SUPT3H: variants seen among roughly 807,000 people sequenced by gnomAD.
The protein encoded by SUPT3H is SPT3 homolog, SAGA and STAGA complex component.
A neutral mutation model predicts 44.3 loss-of-function variants in SUPT3H; 44 were observed. The observed-to-expected ratio is 0.99, with a 90% CI of 0.78 to 1.28. The LOEUF (loss-of-function observed/expected upper bound fraction) is 1.28. SUPT3H is among the 50% of genes most tolerant of loss of function. The pLI is 0.00. For missense variants in SUPT3H, 380 were observed against 387.1 expected, an observed-to-expected ratio of 0.98 and a Z score of 0.15; for synonymous variants, 124 against 125.6, an observed-to-expected ratio of 0.99 and a Z score of 0.09.
At chr6:44,811,963 T>C (rs1320435301) in intron 11 of SUPT3H, among the ~76,000 whole-genome samples, 2 of 151,840 alleles carry the variant, frequency 1.3e-5, no homozygotes, top group African/African-American at 4.8e-5. Context: ...CCTCATCCCA[T>C]AGTACACAGT....
intron 2 of SUPT3H, among the ~76,000 whole-genome samples, chr6:45,163,066 G>A (rs182410562): frequency 1.3e-5 from 2 of 152,254 alleles, no homozygotes; most frequent in Admixed American, 1.3e-4. Flanking sequence ...CATATATATT[G>A]CAAGAGAAGT....
chr6:44,841,965 A>G (rs113746594), intron 10 of SUPT3H, among the ~76,000 whole-genome samples: 1 of 152,194 alleles, frequency 6.6e-6, no homozygotes, highest in African/African-American at 2.4e-5. Context: ...TATACACACA[A>G]TGACAGTGGT....
chr6:45,084,336 T>C (rs1445547854), intron 3 of SUPT3H, among the ~76,000 whole-genome samples: 1 of 152,068 alleles, frequency 6.6e-6, no homozygotes, highest in African/African-American at 2.4e-5. Flanking sequence ...GCAAAGGACA[T>C]GAACAGACAC....
chr6:45,267,071 G>A (rs1483124854), intron 2 of SUPT3H, among the ~76,000 whole-genome samples: 2 of 152,008 alleles, frequency 1.3e-5, no homozygotes, highest in Non-Finnish European at 2.9e-5. Flanking sequence ...TTAGACTTGG[G>A]TCCCATCCTC....
rs143267455 is a variant in SUPT3H, at chr6:45,189,824, C to A, written c.102-83818G>T. Reference sequence around the variant, plus strand: ...GAAAGCCATTAATAACCCCACGTTCCTTGATGTCCCAAGTTATATGTAACA... The same window carrying A: ...GAAAGCCATTAATAACCCCACGTTCATTGATGTCCCAAGTTATATGTAACA... On this transcript the variant is annotated intron_variant, in intron 2 of 10. Transcript: ENST00000371459. Among the ~76,000 whole-genome samples the A allele has an allele frequency of 4.9e-4, 74 of 152,288 alleles. No individual in the cohort carries two copies. The East Asian group carries it at 6.9e-3, about 14-fold the overall frequency.
chr6:45,204,540 C>T (rs533956670), intron 2 of SUPT3H, among the ~76,000 whole-genome samples: 4 of 152,272 alleles, frequency 2.6e-5, no homozygotes, highest in South Asian at 2.1e-4. Flanking sequence ...GGAAGATGCT[C>T]GTTCCTTCCA....
At chr6:45,120,306 T>G (rs914533396) in intron 2 of SUPT3H, among the ~76,000 whole-genome samples, 1 of 150,238 alleles carries the variant, frequency 6.7e-6, no homozygotes, top group Non-Finnish European at 1.5e-5. Flanking sequence ...CTATATAGGC[T>G]AGGCATGGTG....
At chr6:45,091,833 A>G (rs1229610214) in intron 3 of SUPT3H, among the ~76,000 whole-genome samples, 3 of 152,006 alleles carry the variant, frequency 2.0e-5, no homozygotes, top group Middle Eastern at 3.4e-3. Flanking sequence ...GTCTTTGGTC[A>G]TTACAGTTTT....
At chr6:45,113,643 T>C (rs917445289) in intron 2 of SUPT3H, among the ~76,000 whole-genome samples, 21 of 151,910 alleles carry the variant, frequency 1.4e-4, no homozygotes, top group Non-Finnish European at 2.6e-4. Context: ...CTGGCCAACA[T>C]GGTGAAACCC....
At chr6:45,328,588 T>A in intron 2 of SUPT3H, 1 of 1,583,198 alleles carries the variant, frequency 6.3e-7, no homozygotes. Context: ...CAGAAAAAAA[T>A]AAATATAAAG....
chr6:45,167,831 G>A (rs1810144533), intron 2 of SUPT3H, among the ~76,000 whole-genome samples: 1 of 149,422 alleles, frequency 6.7e-6, no homozygotes, highest in African/African-American at 2.5e-5. Context: ...TTTTTTTTTA[G>A]ACAGAGTTTC....
At chr6:45,074,435 T>C (rs1794757793) in intron 3 of SUPT3H, among the ~76,000 whole-genome samples, 1 of 151,936 alleles carries the variant, frequency 6.6e-6, no homozygotes, top group South Asian at 2.1e-4. Flanking sequence ...AAGTGAGATA[T>C]ATGAAAGGCA....
intron 10 of SUPT3H, among the ~76,000 whole-genome samples, chr6:44,928,905 G>GAA (rs1210373765): frequency 4.8e-5 from 3 of 62,934 alleles, no homozygotes; most frequent in African/African-American, 9.8e-5. Context: ...AAAAAAAAAA[G>GAA]AAAAGAAAAG....
At chr6:44,959,755 T>G (rs558363988) in intron 7 of SUPT3H, among the ~76,000 whole-genome samples, 1 of 152,286 alleles carries the variant, frequency 6.6e-6, no homozygotes, top group South Asian at 2.1e-4. Context: ...TACAGACTCA[T>G]TATTTTAAAA....
At chr6:45,159,050 C>T (rs1398177042) in intron 2 of SUPT3H, 2 of 152,164 alleles carry the variant, frequency 1.3e-5, no homozygotes, top group Non-Finnish European at 2.9e-5. Flanking sequence ...GTGTTAGAAT[C>T]CAGTCCCTAC....
intron 2 of SUPT3H, among the ~76,000 whole-genome samples, chr6:45,128,557 T>TATACAC (rs1280920129): frequency 3.5e-5 from 2 of 56,744 alleles, no homozygotes; most frequent in East Asian, 4.5e-4. Flanking sequence ...TATATATATA[T>TATACAC]ACACACACAC....
At chr6:44,910,873 T>C (rs761055542) in intron 10 of SUPT3H, among the ~76,000 whole-genome samples, 2 of 151,336 alleles carry the variant, frequency 1.3e-5, no homozygotes, top group African/African-American at 4.9e-5. Flanking sequence ...CAGGTGCCTA[T>C]ACTCCCAGCC....
chr6:45,335,808 G>A (rs1450250530), intron 2 of SUPT3H, among the ~76,000 whole-genome samples: 4 of 151,220 alleles, frequency 2.6e-5, no homozygotes, highest in Non-Finnish European at 5.9e-5. Flanking sequence ...GGTTACAAAA[G>A]ATAATCTAAT....
At chr6:45,303,691 A>AC in intron 2 of SUPT3H, among the ~76,000 whole-genome samples, 1 of 150,320 alleles carries the variant, frequency 6.7e-6, no homozygotes, top group South Asian at 2.1e-4. Context: ...AAAAAAAAAA[A>AC]AGAAACAAAC....
Sources: gnomAD v4.1 joint callset for allele counts (sites outside exome capture counted in the v4.1 genomes callset) on GRCh38, gnomAD v4.1.1 for gene constraint, MANE v1.5 for transcripts, NCBI Gene and HGNC (gene_info 2026-07-23, HGNC 2026-07-21) for gene names.